Variants in SLK observed in about 807,000 individuals in gnomAD.
The protein encoded by SLK is STE20 like kinase, also known as STE20-like serine/threonine-protein kinase.
In SLK, 67 loss-of-function variants were observed where a neutral mutation model predicts 147.7. The ratio of observed to expected loss-of-function variants is 0.45; its 90% confidence interval spans 0.37 to 0.56. SLK has a LOEUF of 0.56. Among genes scored for constraint, SLK ranks in the 20% least tolerant of loss-of-function variants. The pLI is 0.00. For missense variants in SLK, 1,136 were observed against 1,438.8 expected (o/e 0.79, Z 3.41); for synonymous variants, 441 against 475.0 (o/e 0.93, Z 0.93).
rs1844248729 is a variant in SLK at position 104,001,558 on chromosome 10, A to G, written c.979A>G (p.Thr327Ala). Residue 327 changes from threonine to alanine, a missense_variant, in exon 8 of 19, where the codon ACA (threonine) becomes GCA (alanine). By Grantham distance (58) the Thr-to-Ala change is moderately conservative (BLOSUM62 0). Coordinates refer to ENST00000369755, the MANE Select transcript of SLK (RefSeq NM_014720.4). ...DGKEEDEEEETENSLPIPASK... is the reference protein window; with the variant it reads ...DGKEEDEEEEAENSLPIPASK... ...CAAAGAGGAAGATGAAGAGGAGGAA[A>G]CAGAAAATTCTCTGGTCAGTATTTA... is the stretch of plus-strand genomic sequence containing the variant. The G allele has an allele frequency of 6.2e-7, 1 of 1,613,772 alleles. No individual in the cohort carries two copies. Among genetic ancestry groups the G allele is most frequent in the African/African-American group, 1.3e-5 (1 of 74,926 alleles).
intron 13 of SLK, among the ~76,000 whole-genome samples, chr10:104,015,185 A>C (rs1233666165): frequency 6.6e-6 from 1 of 152,122 alleles, no homozygotes; most frequent in Non-Finnish European, 1.5e-5. Context: ...ATTCTGCTTA[A>C]TTTTTCAAGT....
At position 104,025,728 on chromosome 10, in the gene SLK, A is replaced by G; in HGVS notation, c.*8A>G. 6.2e-7 allele frequency: 1 copy of G among 1,613,670 alleles called. No individual in the cohort carries two copies. Among genetic ancestry groups the G allele is most frequent in the Non-Finnish European group, 8.5e-7 (1 of 1,179,728 alleles). On this transcript the variant is annotated 3_prime_UTR_variant, in exon 19 of 19. Coordinates refer to ENST00000369755, the MANE Select transcript of SLK (RefSeq NM_014720.4). ...CATTCCACCGGATCATAACAAAGGG[A>G]AGCATTCTGTGCGTGGGTTTGGCTC...
Position 103,990,830 on chromosome 10 carries a change from C to A in SLK, c.306C>A (p.Asn102Lys). 1 of 1,506,068 alleles carries A rather than the reference C, an allele frequency of 6.6e-7. No homozygotes were observed. Among genetic ancestry groups the A allele is most frequent in the Non-Finnish European group, 8.8e-7 (1 of 1,134,064 alleles). 93.3% of individuals were successfully genotyped at this position (1,506,068 alleles called of 1,614,324 possible). ...TTCTAGATGCCTTCTATTATGAGAA[C>A]AATCTTTGGGTAAGTATTTTCTGTT... ...VKLLDAFYYE[N>K]NLWILIEFCA... The change falls in exon 2 of 19, where the codon AAC (asparagine) becomes AAA (lysine). Residue 102 changes from asparagine (N) to lysine (K), a missense_variant. Transcript: ENST00000369755.
At chr10:104,020,292 G>C (rs1454026632) in intron 16 of SLK, among the ~76,000 whole-genome samples, 196 bp from the exon 17 acceptor site, 1 of 152,206 alleles carries the variant, frequency 6.6e-6, no homozygotes, top group Non-Finnish European at 1.5e-5. Context: ...TAAGCAGATA[G>C]GAGGATCAAG....
chr10:104,022,015 G>C (rs1589548564), intron 18 of SLK, among the ~76,000 whole-genome samples: 2 of 152,248 alleles, frequency 1.3e-5, no homozygotes, highest in South Asian at 4.1e-4. Context: ...AGTCAGGGAG[G>C]GTCTTCAAGA....
In SLK at chr10:104,015,002, A is replaced by G. The variant is rs367844942; in HGVS notation, c.2878-3158A>G. 1.1e-3 allele frequency among the ~76,000 whole-genome samples: 165 copies of G among 152,006 alleles called. 3 individuals are homozygous for G. In the South Asian group the frequency reaches 0.031, roughly 29 times the overall value. ...TAATTATAAATTCCATGTGAATGTT[A>G]TTGTATTTGGCTTTTGAAGTTAGGG... is the stretch of plus-strand genomic sequence containing the variant. On this transcript the variant is annotated intron_variant, in intron 13 of 18. Transcript: ENST00000369755.
At chr10:103,978,384 A>ATT (rs1184642386) in intron 1 of SLK, among the ~76,000 whole-genome samples, 2 of 152,086 alleles carry the variant, frequency 1.3e-5, no homozygotes, top group Non-Finnish European at 2.9e-5. Flanking sequence ...CAGTGTCTCT[A>ATT]TGTCAAGGTA....
Position 104,003,172 on chromosome 10 carries a change from T to C in SLK, c.1994T>C (p.Leu665Ser), listed in dbSNP as rs1168907069. The C allele has an allele frequency of 1.2e-6, 2 of 1,614,060 alleles. No homozygotes were observed. The highest frequency in any genetic ancestry group is 2.2e-5 in the South Asian group (2 of 91,078). ...SVVADTDQKA[L>S]GSEVQDASKV... Reference sequence around the variant, plus strand: ...GTGGCTGATACTGACCAAAAGGCTTTAGGAAGTGAAGTTCAGGATGCTTCT... The same window carrying C: ...GTGGCTGATACTGACCAAAAGGCTTCAGGAAGTGAAGTTCAGGATGCTTCT... The change falls in exon 9 of 19, where the codon TTA becomes TCA. Residue 665 changes from leucine (L) to serine (S), a missense_variant. Leu to Ser is a moderately radical substitution (Grantham distance 145, BLOSUM62 -2). Around this residue, in one of 6 missense-constraint regions of SLK, gnomAD observed 516 missense variants for 531.3 expected, o/e 0.97. Transcript: ENST00000369755.
intron 13 of SLK, among the ~76,000 whole-genome samples, chr10:104,012,018 A>G (rs531782539): frequency 6.6e-6 from 1 of 152,358 alleles, no homozygotes; most frequent in African/African-American, 2.4e-5. Context: ...TTTCCATTAC[A>G]TAAGTCAGTG....
rs1844122126 is a variant in SLK, at chr10:103,993,070, A to G, written c.451A>G (p.Ile151Val). ...DALNYLHDNK[I>V]IHRDLKAGNI... Reference sequence around the variant, plus strand: ...ATTGAACTACTTACATGATAATAAGATCATCCACAGAGATCTGAAGGCTGG... The same window carrying G: ...ATTGAACTACTTACATGATAATAAGGTCATCCACAGAGATCTGAAGGCTGG... Residue 151 changes from isoleucine (I) to valine (V), a missense_variant, in exon 4 of 19, where the codon ATC becomes GTC. By Grantham distance (29) the Ile-to-Val change is conservative. Coordinates refer to ENST00000369755, the MANE Select transcript of SLK (RefSeq NM_014720.4). The G allele has an allele frequency of 1.9e-6, 3 of 1,611,494 alleles. No homozygotes were observed. The South Asian group carries it at 3.3e-5, about 18-fold the overall frequency.
At chr10:103,988,422 G>A (rs1051440194) in intron 1 of SLK, among the ~76,000 whole-genome samples, 9 of 152,096 alleles carry the variant, frequency 5.9e-5, no homozygotes, top group African/African-American at 9.7e-5. Flanking sequence ...GCTTGTGGGG[G>A]TTATTTATAT....
intron 1 of SLK, among the ~76,000 whole-genome samples, chr10:103,978,601 G>T (rs1843900260): frequency 6.6e-6 from 1 of 152,044 alleles, no homozygotes; most frequent in African/African-American, 2.4e-5. Context: ...TAGTTTTTAA[G>T]TGATAATCTC....
Position 104,026,153 on chromosome 10 carries a change from G to A in SLK, c.*433G>A, listed in dbSNP as rs1269848810. ...AGAGAGTTGGGATAATTTTCTTTTGGTGGATCAGCTCTCATAAAAAAGCTA... is the reference window on the plus strand; with the variant it reads ...AGAGAGTTGGGATAATTTTCTTTTGATGGATCAGCTCTCATAAAAAAGCTA... On this transcript the variant is annotated 3_prime_UTR_variant, in exon 19 of 19. Transcript: ENST00000369755. The A allele has an allele frequency of 6.5e-6, 1 of 153,406 alleles. No homozygotes were observed. Among genetic ancestry groups the A allele is most frequent in the East Asian group, 1.9e-4 (1 of 5,228 alleles). 9.5% of individuals were successfully genotyped at this position (153,406 alleles called of 1,614,324 possible).
At chr10:104,004,174 A>T (rs996671887) in intron 9 of SLK, among the ~76,000 whole-genome samples, 1 of 152,308 alleles carries the variant, frequency 6.6e-6, no homozygotes, top group African/African-American at 2.4e-5. Flanking sequence ...CTGGGTTGAT[A>T]GTAGCAGAAG....
rs376743302 is a variant in SLK at position 103,990,859 on chromosome 10, C to G, written c.315+20C>G. 6.9e-7 allele frequency: 1 copy of G among 1,442,410 alleles called. No homozygotes were observed. The highest frequency in any genetic ancestry group is 9.1e-7 in the Non-Finnish European group (1 of 1,094,628). The allele number at this position is 1,442,410 out of a possible 1,614,324, so 89.4% of individuals were successfully genotyped here. A position where few individuals can be genotyped will look rare whatever the true frequency, so the allele number is the denominator to read the frequency against. ...CTTTGGGTAAGTATTTTCTGTTGAT[C>G]TAAAGGAGTAGCCAAAATGAGTTAA... On this transcript the variant is annotated intron_variant, in intron 2 of 18. Coordinates refer to ENST00000369755, the MANE Select transcript of SLK (RefSeq NM_014720.4).
chr10:103,974,113 G>A (rs7922850), intron 1 of SLK, among the ~76,000 whole-genome samples: 130,418 of 152,014 alleles, frequency 0.86, 56,168 homozygotes, highest in African/African-American at 0.93. Flanking sequence ...GCTCTTGGTT[G>A]GTCCTTTCAA....
intron 1 of SLK, among the ~76,000 whole-genome samples, chr10:103,989,118 C>T (rs538255954): frequency 3.9e-5 from 6 of 152,216 alleles, no homozygotes; most frequent in African/African-American, 1.4e-4. Flanking sequence ...AAAATATTTG[C>T]AAGACACATA....
At chr10:104,024,036 C>T (rs1041764021) in intron 18 of SLK, among the ~76,000 whole-genome samples, 3 of 152,158 alleles carry the variant, frequency 2.0e-5, no homozygotes, top group Non-Finnish European at 2.9e-5. Context: ...CTCACGTTTC[C>T]GCGCTCACTG....
At chr10:104,002,070 A>G (rs956311543) in intron 8 of SLK, 102 bp from the exon 9 acceptor site, 1 of 902,088 alleles carries the variant, frequency 1.1e-6, no homozygotes, top group African/African-American at 1.7e-5. Context: ...ATTCAGCAAC[A>G]TTTACTGAAT....
Sources: gnomAD v4.1 joint callset for allele counts (sites outside exome capture counted in the v4.1 genomes callset) on GRCh38, gnomAD v4.1.1 for gene constraint, gnomAD v4.1.1 regional missense constraint, MANE v1.5 for transcripts, NCBI Gene and HGNC (gene_info 2026-07-23, HGNC 2026-07-21) for gene names.